KCTD3: variants seen among roughly 807,000 people sequenced by gnomAD.
KCTD3 encodes the protein potassium channel tetramerization domain containing 3.
In KCTD3, 41 loss-of-function variants were observed where a neutral mutation model predicts 85.8. That is an observed-to-expected ratio of 0.48 (90% CI 0.37 to 0.62). The LOEUF (loss-of-function observed/expected upper bound fraction) is 0.62. Ranked by LOEUF, KCTD3 falls within the 20% of genes least tolerant of loss-of-function variation. KCTD3 has a pLI of 0.00. For missense variants in KCTD3, 724 were observed against 989.9 expected (o/e 0.73, Z 3.60); for synonymous variants, 338 against 345.4 (o/e 0.98, Z 0.24).
rs1184637047 is a variant in KCTD3, at chr1:215,621,207, T to C, written c.*589T>C. 1 of 152,622 alleles carries C rather than the reference T, an allele frequency of 6.6e-6. No individual in the cohort carries two copies. The highest frequency in any genetic ancestry group is 6.6e-5 in the Admixed American group (1 of 15,266). The allele number at this position is 152,622 out of a possible 1,614,324, so 9.5% of individuals were successfully genotyped here. On this transcript the variant is annotated 3_prime_UTR_variant, in exon 18 of 18. Coordinates refer to ENST00000259154, the MANE Select transcript of KCTD3 (RefSeq NM_016121.5). ...AGGATGATTTTAATTTAGTCGTGCGTCATTTTCTGATTCTCATCATTGGGA... is the reference window on the plus strand; with the variant it reads ...AGGATGATTTTAATTTAGTCGTGCGCCATTTTCTGATTCTCATCATTGGGA...
intron 3 of KCTD3, among the ~76,000 whole-genome samples, chr1:215,574,898 T>G (rs1424291180): frequency 6.6e-6 from 1 of 152,228 alleles, no homozygotes; most frequent in Non-Finnish European, 1.5e-5. Context: ...GTTCCGTTTT[T>G]ATGGCCAGAT....
Position 215,617,517 on chromosome 1 carries a change from A to T in KCTD3, c.1563-1369A>T, listed in dbSNP as rs79119384. Among the ~76,000 whole-genome samples the T allele has an allele frequency of 5.9e-3, 901 of 151,944 alleles. 20 individuals carry two copies. In the South Asian group the frequency reaches 0.072, roughly 12 times the overall value. ...CCCCTCCACCCCATTTGGTCACAGA[A>T]CCCTTTTTTTTGCCAAGGAGTGAAG... On this transcript the variant is annotated intron_variant, in intron 15 of 17. Coordinates refer to ENST00000259154, the MANE Select transcript of KCTD3 (RefSeq NM_016121.5).
At chr1:215,590,865 T>TTG (rs1202433570) in intron 9 of KCTD3, among the ~76,000 whole-genome samples, 1 of 152,204 alleles carries the variant, frequency 6.6e-6, no homozygotes, top group East Asian at 1.9e-4. Context: ...TGTGCTGTAC[T>TTG]TGTGTGTGAT....
At chr1:215,591,161 C>G (rs1200670224) in intron 9 of KCTD3, among the ~76,000 whole-genome samples, 2 of 152,176 alleles carry the variant, frequency 1.3e-5, no homozygotes, top group African/African-American at 4.8e-5. Flanking sequence ...ACTACTCCAT[C>G]TACCCACATA....
intron 8 of KCTD3, among the ~76,000 whole-genome samples, chr1:215,583,192 G>A (rs1467844273): frequency 6.6e-6 from 1 of 152,054 alleles, no homozygotes; most frequent in Non-Finnish European, 1.5e-5. Context: ...CATAGCCAGA[G>A]CAGCCCTGAG....
At chr1:215,572,161 C>T (rs1659394310) in intron 1 of KCTD3, among the ~76,000 whole-genome samples, 1 of 152,138 alleles carries the variant, frequency 6.6e-6, no homozygotes, top group African/African-American at 2.4e-5. Context: ...GCAGATCGTA[C>T]AGAAGAATCA....
chr1:215,589,677 T>G (rs1450177565), intron 9 of KCTD3, among the ~76,000 whole-genome samples: 3 of 152,078 alleles, frequency 2.0e-5, no homozygotes, highest in Non-Finnish European at 4.4e-5. Flanking sequence ...TAGAATTTCA[T>G]GAGTAGAATT....
intron 13 of KCTD3, among the ~76,000 whole-genome samples, chr1:215,605,656 T>C (rs1654991641): frequency 6.6e-6 from 1 of 152,080 alleles, no homozygotes; most frequent in Non-Finnish European, 1.5e-5. Flanking sequence ...TTGGACAAAA[T>C]AAAACTTAAT....
intron 6 of KCTD3, 94 bp downstream of exon 6, chr1:215,578,175 G>GT (rs951095658): frequency 9.4e-6 from 9 of 954,570 alleles, no homozygotes; most frequent in African/African-American, 1.6e-5. Context: ...TGATTATTGA[G>GT]TTTTTTGTCT....
intron 8 of KCTD3, chr1:215,580,909 C>T (rs1659795014): frequency 2.2e-6 from 1 of 454,746 alleles, no homozygotes; most frequent in Non-Finnish European, 4.5e-6. Flanking sequence ...CTGTTTATAT[C>T]AGTAATCTCA....
rs117094222 is a variant in KCTD3, at chr1:215,573,500, A to G, written c.84-286A>G. ...AAGTTGAGACTTGGTGTGATGGGCTAATTGTTGATTCTTCAGCAGAGATTA... is the reference window on the plus strand; with the variant it reads ...AAGTTGAGACTTGGTGTGATGGGCTGATTGTTGATTCTTCAGCAGAGATTA... On this transcript the variant is annotated intron_variant, in intron 1 of 17. Transcript: ENST00000259154. Among the ~76,000 whole-genome samples, 65 of 152,256 alleles carry G rather than the reference A, an allele frequency of 4.3e-4. 1 individual carries two copies. In the East Asian group the frequency reaches 0.012, roughly 28 times the overall value.
chr1:215,581,070 AC>A (rs1430663139), intron 8 of KCTD3: 3 of 399,800 alleles, frequency 7.5e-6, no homozygotes. Flanking sequence ...ACATGGTGAA[AC>A]CCCATCTCTA....
intron 13 of KCTD3, among the ~76,000 whole-genome samples, chr1:215,607,092 A>G (rs1179189616): frequency 1.3e-5 from 2 of 151,948 alleles, no homozygotes; most frequent in Admixed American, 1.3e-4. Flanking sequence ...TGCCAAAATT[A>G]AATTTCTTTC....
chr1:215,580,858 A>G, intron 8 of KCTD3: 1 of 331,814 alleles, frequency 3.0e-6, no homozygotes, highest in South Asian at 2.3e-5. Flanking sequence ...TTTTTTTTTA[A>G]AAATCTGAAT....
In KCTD3 at chr1:215,570,989, A is replaced by T. The variant is rs371508066; in HGVS notation, c.84-2797A>T. 5.9e-5 allele frequency among the ~76,000 whole-genome samples: 9 copies of T among 152,156 alleles called. No individual in the cohort carries two copies. In the East Asian group the frequency reaches 1.3e-3, roughly 23 times the overall value. On this transcript the variant is annotated intron_variant, in intron 1 of 17. Transcript: ENST00000259154. ...GAAGTTTAAAAAAAAATTGGTGGGG[A>T]TGAGGGTCTAATTCCTTTGCCCAGA...
At chr1:215,615,387 G>T (rs926733228) in intron 15 of KCTD3, among the ~76,000 whole-genome samples, 7 of 152,112 alleles carry the variant, frequency 4.6e-5, no homozygotes, top group Non-Finnish European at 1.0e-4. Context: ...TTGGGAGGCC[G>T]AGGCGGGCAG....
Position 215,621,537 on chromosome 1 carries a change from T to C in KCTD3, c.*919T>C, listed in dbSNP as rs988659528. 6.6e-6 allele frequency: 1 copy of C among 152,426 alleles called. No individual in the cohort carries two copies. The highest frequency in any genetic ancestry group is 1.5e-5 in the Non-Finnish European group (1 of 67,996). The allele number at this position is 152,426 out of a possible 1,614,324, so 9.4% of individuals were successfully genotyped here. ...TTTGGCTGCTGTAAGAATGTGAATT[T>C]GAATGTATTTTGAATTGTAAGAGCA... On this transcript the variant is annotated 3_prime_UTR_variant, in exon 18 of 18. Transcript: ENST00000259154.
intron 9 of KCTD3, among the ~76,000 whole-genome samples, chr1:215,588,022 T>C (rs1408654885): frequency 6.6e-6 from 1 of 152,194 alleles, no homozygotes; most frequent in South Asian, 2.1e-4. Flanking sequence ...CTGTGGCAGA[T>C]AAAAGTTTTC....
At chr1:215,597,076 G>A (rs1654596788) in intron 10 of KCTD3, among the ~76,000 whole-genome samples, 2 of 152,072 alleles carry the variant, frequency 1.3e-5, no homozygotes, top group South Asian at 4.1e-4. Context: ...TAGTTCTTTA[G>A]TTACATAATC....
Sources: allele counts gnomAD v4.1 joint callset (sites outside exome capture counted in the v4.1 genomes callset), GRCh38; gene constraint gnomAD v4.1.1; transcripts MANE v1.5; gene names NCBI Gene and HGNC (gene_info 2026-07-23, HGNC 2026-07-21).